SLC9A9: variants seen among roughly 807,000 people sequenced by gnomAD.
SLC9A9 encodes the protein solute carrier family 9 member A9.
In SLC9A9, 62 loss-of-function variants were observed where a neutral mutation model predicts 77.8. That is an observed-to-expected ratio of 0.80 (90% CI 0.65 to 0.98). The LOEUF is 0.98. Among genes scored for constraint, SLC9A9 ranks in the 50% least tolerant of loss-of-function variants. SLC9A9 has a pLI of 0.00. For missense variants in SLC9A9, 775 were observed against 774.9 expected, an observed-to-expected ratio of 1.00 and a Z score of 0.00; for synonymous variants, 320 against 283.5, an observed-to-expected ratio of 1.13 and a Z score of -1.29.
intron 12 of SLC9A9, among the ~76,000 whole-genome samples, chr3:143,423,204 C>T (rs2034333465): frequency 3.0e-5 from 3 of 101,452 alleles, no homozygotes; most frequent in South Asian, 7.3e-4. Context: ...TCTACTTACC[C>T]TCACACACAC....
chr3:143,493,803 C>G, intron 10 of SLC9A9, 39 bp from the exon 11 acceptor site: 1 of 1,433,072 alleles, frequency 7.0e-7, no homozygotes. Context: ...GAAAGTGTTG[C>G]TGCAATGATG....
intron 12 of SLC9A9, among the ~76,000 whole-genome samples, chr3:143,466,313 T>C (rs771976828): frequency 6.6e-6 from 1 of 152,236 alleles, no homozygotes; most frequent in Non-Finnish European, 1.5e-5. Flanking sequence ...TTCTGGGATA[T>C]GAAAATGAGG....
At chr3:143,655,542 G>A in intron 5 of SLC9A9, 1 of 985,252 alleles carries the variant, frequency 1.0e-6, no homozygotes. Context: ...TTCACTTGTG[G>A]CTTGGAGTTC....
intron 6 of SLC9A9, among the ~76,000 whole-genome samples, chr3:143,611,109 A>T (rs1001793308): frequency 6.6e-6 from 1 of 152,198 alleles, no homozygotes; most frequent in African/African-American, 2.4e-5. Flanking sequence ...CTAGAAAAAA[A>T]TTTCAGAAAA....
intron 15 of SLC9A9, 82 bp downstream of exon 15, chr3:143,268,793 G>T (rs1578249988): frequency 5.6e-5 from 38 of 681,154 alleles, no homozygotes; most frequent in East Asian, 1.3e-4. Flanking sequence ...CAGGCTTTTT[G>T]AGGTTCCTGG....
At chr3:143,327,070 G>A (rs1177423551) in intron 14 of SLC9A9, among the ~76,000 whole-genome samples, 1 of 151,852 alleles carries the variant, frequency 6.6e-6, no homozygotes, top group African/African-American at 2.4e-5. Context: ...GTCCCTGCAA[G>A]TATTCTGAGA....
chr3:143,429,616 T>C (rs1274954184), intron 12 of SLC9A9, among the ~76,000 whole-genome samples: 1 of 152,210 alleles, frequency 6.6e-6, no homozygotes, highest in Non-Finnish European at 1.5e-5. Context: ...CACAGTCTAG[T>C]GGATGATACC....
intron 4 of SLC9A9, among the ~76,000 whole-genome samples, chr3:143,764,911 T>G (rs2007250144): frequency 6.6e-6 from 1 of 152,040 alleles, no homozygotes; most frequent in African/African-American, 2.4e-5. Context: ...TATGAGTCCA[T>G]CACCAATTAA....
rs1329389313 is a variant in SLC9A9, at chr3:143,596,633, G to C, written c.756-17910C>G. Among the ~76,000 whole-genome samples the C allele has an allele frequency of 2.0e-5, 3 of 151,978 alleles. No homozygotes were observed. In the East Asian group the frequency reaches 5.8e-4, roughly 29 times the overall value. On this transcript the variant is annotated intron_variant, in intron 6 of 15. Transcript: ENST00000316549. ...AAACTCATTAAAAACTCAAAATGCA[G>C]GGTTTCTCCCTACAATGTATGAAGT...
chr3:143,738,393 T>C (rs1317539407), intron 4 of SLC9A9, among the ~76,000 whole-genome samples: 2 of 152,204 alleles, frequency 1.3e-5, no homozygotes, highest in Non-Finnish European at 2.9e-5. Flanking sequence ...CTTCCCCCTC[T>C]AGCCGTTACA....
intron 13 of SLC9A9, among the ~76,000 whole-genome samples, chr3:143,373,575 A>G (rs1228401233): frequency 7.0e-6 from 1 of 142,094 alleles, no homozygotes; most frequent in Non-Finnish European, 1.5e-5. Context: ...GTAACCAAAA[A>G]CCATTGTATC....
intron 14 of SLC9A9, among the ~76,000 whole-genome samples, chr3:143,318,971 T>G (rs1377625556): frequency 6.6e-6 from 1 of 152,202 alleles, no homozygotes; most frequent in Non-Finnish European, 1.5e-5. Flanking sequence ...TTGGGCAAGT[T>G]TCTTATCTTG....
At chr3:143,524,474 C>T (rs954112684) in intron 9 of SLC9A9, among the ~76,000 whole-genome samples, 2 of 152,074 alleles carry the variant, frequency 1.3e-5, no homozygotes, top group African/African-American at 4.8e-5. Context: ...CAGAGAAGAT[C>T]GTGCCGTGAC....
At chr3:143,355,304 C>T (rs1376361969) in intron 14 of SLC9A9, among the ~76,000 whole-genome samples, 3 of 152,138 alleles carry the variant, frequency 2.0e-5, no homozygotes, top group Non-Finnish European at 2.9e-5. Flanking sequence ...ATATTATACA[C>T]ATTACATGAT....
chr3:143,740,232 C>CA (rs561940359), intron 4 of SLC9A9, among the ~76,000 whole-genome samples: 12 of 151,824 alleles, frequency 7.9e-5, no homozygotes, highest in African/African-American at 2.4e-4. Context: ...CTACTTTAGA[C>CA]AAAAAAATGA....
chr3:143,785,880 G>A lies in SLC9A9; in HGVS notation c.533+9121C>T, dbSNP rs1222254574. On this transcript the variant is annotated intron_variant, in intron 4 of 15. Transcript: ENST00000316549. ...TTTTTTTTTTTTTTTTTTTTGAGAC[G>A]GAGTTTCGCTCTGTCGCCCAGGCTG... is the stretch of plus-strand genomic sequence containing the variant. 6.5e-4 allele frequency among the ~76,000 whole-genome samples: 79 copies of A among 122,182 alleles called. 1 individual carries two copies. Among genetic ancestry groups the A allele is most frequent in the African/African-American group, 2.0e-3 (68 of 33,634 alleles). 80.2% of individuals were successfully genotyped at this position (122,182 alleles called of 152,430 possible).
intron 6 of SLC9A9, among the ~76,000 whole-genome samples, chr3:143,611,814 G>A (rs1291785492): frequency 1.3e-5 from 2 of 152,130 alleles, no homozygotes; most frequent in Admixed American, 1.3e-4. Flanking sequence ...GCTCACTCCA[G>A]TCCCGACCTC....
At chr3:143,666,791 T>TTCACATTTC in intron 5 of SLC9A9, among the ~76,000 whole-genome samples, 1 of 152,240 alleles carries the variant, frequency 6.6e-6, no homozygotes, top group South Asian at 2.1e-4. Flanking sequence ...GAAGGACCTC[T>TTCACATTTC]TCAAGGAGAA....
intron 4 of SLC9A9, among the ~76,000 whole-genome samples, chr3:143,737,459 C>T (rs1253288465): frequency 6.6e-6 from 1 of 151,044 alleles, no homozygotes; most frequent in Non-Finnish European, 1.5e-5. Context: ...AAAATAAGAA[C>T]CCATGTAATG....
Sources: allele counts gnomAD v4.1 joint callset (sites outside exome capture counted in the v4.1 genomes callset), GRCh38; gene constraint gnomAD v4.1.1; transcripts MANE v1.5; gene names NCBI Gene and HGNC (gene_info 2026-07-23, HGNC 2026-07-21).